NIPBL: variants seen among roughly 807,000 people sequenced by gnomAD.
The protein encoded by NIPBL is NIPBL cohesin loading factor.
Under a neutral mutation model 321.8 loss-of-function variants are expected in NIPBL, and 19 were observed. The observed-to-expected ratio is 0.06, with a 90% CI of 0.04 to 0.09. NIPBL has a LOEUF of 0.09. Among genes scored for constraint, NIPBL ranks in the 10% least tolerant of loss-of-function variants. The pLI, the probability that NIPBL is intolerant of heterozygous loss-of-function variation, is 1.00. For missense variants in NIPBL, 2,210 were observed against 3,327.0 expected (o/e 0.66, Z 8.26); for synonymous variants, 1,106 against 1,114.1 (o/e 0.99, Z 0.14).
chr5:36,962,432 A>G (rs1741729235), intron 6 of NIPBL, among the ~76,000 whole-genome samples, 158 bp downstream of exon 6: 1 of 152,236 alleles, frequency 6.6e-6, no homozygotes, highest in Admixed American at 6.5e-5. Context: ...CATTAAAACA[A>G]TGTTACACTT....
intron 1 of NIPBL, among the ~76,000 whole-genome samples, chr5:36,940,339 CAAAAT>C (rs1334232417): frequency 2.0e-5 from 3 of 152,108 alleles, no homozygotes; most frequent in Admixed American, 6.6e-5. Flanking sequence ...TAGCATGAGT[CAAAAT>C]AAATCAAATT....
chr5:36,970,743 T>G (rs1162046669), intron 6 of NIPBL, 133 bp from the exon 7 acceptor site: 2 of 748,810 alleles, frequency 2.7e-6, no homozygotes, highest in East Asian at 5.4e-5. Context: ...TTGATGAAAC[T>G]AGTCAGTACA....
In NIPBL at chr5:37,007,480, AT is replaced by A. The variant is rs1456628212; in HGVS notation, c.4239+12del. On this transcript the variant is annotated splice_region_variant and intron_variant, in intron 18 of 46. Transcript: ENST00000282516. Reference sequence around the variant, plus strand: ...CAGACACAACAATTCTTCAGGTAAGATTTTTTGGTAAGCATTTTGTATATTT... The same window carrying A: ...CAGACACAACAATTCTTCAGGTAAGATTTTTGGTAAGCATTTTGTATATTT... 3 of 1,602,624 alleles carry A rather than the reference AT, an allele frequency of 1.9e-6. No homozygotes were observed. The highest frequency in any genetic ancestry group is 1.7e-5 in the Admixed American group (1 of 59,650).
chr5:37,018,301 A>G (rs1749219219), intron 24 of NIPBL, among the ~76,000 whole-genome samples: 1 of 152,216 alleles, frequency 6.6e-6, no homozygotes, highest in African/African-American at 2.4e-5. Context: ...TATCATTAAT[A>G]CAATATTAAC....
At chr5:36,921,967 A>G (rs1417140675) in intron 1 of NIPBL, among the ~76,000 whole-genome samples, 3 of 151,420 alleles carry the variant, frequency 2.0e-5, no homozygotes, top group Non-Finnish European at 2.9e-5. Flanking sequence ...GCTCACTGCA[A>G]CCTCTGCCTC....
rs1749361934 is a variant in NIPBL, at chr5:37,019,332, A to G, written c.4942A>G (p.Ile1648Val). 1 of 1,612,426 alleles carries G rather than the reference A, an allele frequency of 6.2e-7. No individual in the cohort carries two copies. Among genetic ancestry groups the G allele is most frequent in the Non-Finnish European group, 8.5e-7 (1 of 1,178,698 alleles). Residue 1648 changes from isoleucine to valine, a missense_variant, in exon 25 of 47, where the codon ATC (isoleucine) becomes GTC (valine). Around this residue, in one of 14 missense-constraint regions of NIPBL, gnomAD observed 138 missense variants for 175.8 expected, o/e 0.79. Transcript: ENST00000282516. The stretch of plus-strand genomic sequence containing the variant: ...ATAGGTTTCAGGAGGGGAAGATGAA[A>G]TCCAACAATTACAAAAAGCATTGCT... ...LKQVSGGEDE[I>V]QQLQKALLDY...
At chr5:37,036,755 A>G (rs1579525136) in intron 33 of NIPBL, among the ~76,000 whole-genome samples, 2 of 151,750 alleles carry the variant, frequency 1.3e-5, no homozygotes, top group East Asian at 3.9e-4. Flanking sequence ...ATAATTTTAG[A>G]TGTCATATTG....
At chr5:36,987,916 A>C (rs1057303670) in intron 10 of NIPBL, among the ~76,000 whole-genome samples, 1 of 152,128 alleles carries the variant, frequency 6.6e-6, no homozygotes, top group Non-Finnish European at 1.5e-5. Flanking sequence ...TTTCTTTAAA[A>C]TTTTTTAGTG....
chr5:36,965,563 A>G (rs778625667), intron 6 of NIPBL, among the ~76,000 whole-genome samples: 1 of 152,098 alleles, frequency 6.6e-6, no homozygotes, highest in African/African-American at 2.4e-5. Context: ...GGGGACAAAT[A>G]TACTGTCTGA....
intron 1 of NIPBL, among the ~76,000 whole-genome samples, chr5:36,942,639 G>A (rs1221912941): frequency 6.7e-6 from 1 of 149,968 alleles, no homozygotes; most frequent in African/African-American, 2.5e-5. Flanking sequence ...TACTTGGGGG[G>A]CTGAGGCACG....
At position 37,036,404 on chromosome 5, in the gene NIPBL, C is replaced by T. The variant is rs1238005231; in HGVS notation, c.5888C>T (p.Ser1963Leu). 7.2e-7 allele frequency: 1 copy of T among 1,397,074 alleles called. No homozygotes were observed. The highest frequency in any genetic ancestry group is 9.4e-7 in the Non-Finnish European group (1 of 1,059,110). The allele number at this position is 1,397,074 out of a possible 1,614,324, so 86.5% of individuals were successfully genotyped here. The change falls in exon 33 of 47, where the codon TCA becomes TTA. Residue 1963 changes from serine to leucine, a missense_variant. Around this residue, in one of 14 missense-constraint regions of NIPBL, gnomAD observed 69 missense variants for 100.8 expected, o/e 0.68. Coordinates refer to ENST00000282516, the MANE Select transcript of NIPBL (RefSeq NM_133433.4). The part of the protein sequence containing the change: ...QNLLKSEEDS[S>L]YKPVKKACTQ... ...TTGTTGAAGTCCGAAGAGGATTCCTCATATAAACCTGTGAAGAAAGCTTGT... is the reference window on the plus strand; with the variant it reads ...TTGTTGAAGTCCGAAGAGGATTCCTTATATAAACCTGTGAAGAAAGCTTGT...
chr5:36,976,079 C>T lies in NIPBL; in HGVS notation c.1172C>T (p.Pro391Leu), dbSNP rs1326545778. 4 of 1,613,832 alleles carry T rather than the reference C, an allele frequency of 2.5e-6. No homozygotes were observed. Among genetic ancestry groups the T allele is most frequent in the Non-Finnish European group, 3.4e-6 (4 of 1,179,930 alleles). The change falls in exon 9 of 47, where the codon CCT (proline) becomes CTT (leucine). Residue 391 changes from proline to leucine, a missense_variant. Pro to Leu is a moderately conservative substitution (Grantham distance 98). Transcript: ENST00000282516. ...AGCAATGTTTCAGAAAATGATATTCCTTTTAATGTGCAGTACCCAGGACAG... is the reference window on the plus strand; with the variant it reads ...AGCAATGTTTCAGAAAATGATATTCTTTTTAATGTGCAGTACCCAGGACAG... ...ENSNVSENDI[P>L]FNVQYPGQTS...
chr5:37,064,328 A>G (rs1755154021), intron 46 of NIPBL, 199 bp from the exon 47 acceptor site: 1 of 1,434,964 alleles, frequency 7.0e-7, no homozygotes, highest in Non-Finnish European at 9.1e-7. Flanking sequence ...ACGGGTACAA[A>G]TTAAGAGTTA....
rs201610164 is a variant in NIPBL at position 37,027,428 on chromosome 5, A to G, written c.5862+16A>G. On this transcript the variant is annotated intron_variant, in intron 32 of 46. Transcript: ENST00000282516. ...GCTTCAAAACGTGAGTGTTCTTTTG[A>G]CTCCTGATAACCTAAAATTTAATAG... 1.3e-6 allele frequency: 2 copies of G among 1,596,452 alleles called. No homozygotes were observed. The highest frequency in any genetic ancestry group is 2.7e-5 in the African/African-American group (2 of 73,168).
intron 1 of NIPBL, among the ~76,000 whole-genome samples, chr5:36,925,607 A>G (rs906904078): frequency 6.6e-6 from 1 of 152,144 alleles, no homozygotes; most frequent in African/African-American, 2.4e-5. Flanking sequence ...AGGCACTATT[A>G]TCCTCACTTT....
At chr5:36,973,525 T>G (rs1743112060) in intron 8 of NIPBL, among the ~76,000 whole-genome samples, 2 of 152,054 alleles carry the variant, frequency 1.3e-5, no homozygotes, top group African/African-American at 4.8e-5. Context: ...TGGAGTGCAG[T>G]GGCATGATCT....
intron 1 of NIPBL, among the ~76,000 whole-genome samples, chr5:36,880,545 A>G (rs1278908725): frequency 1.3e-5 from 2 of 152,046 alleles, no homozygotes; most frequent in African/African-American, 4.8e-5. Flanking sequence ...TGTTTATCAC[A>G]TTTACTTGCC....
intron 46 of NIPBL, 63 bp downstream of exon 46, chr5:37,064,041 TATATATGTC>T (rs1187343178): frequency 6.3e-7 from 1 of 1,581,848 alleles, no homozygotes; most frequent in Non-Finnish European, 8.6e-7. Flanking sequence ...TTTATGTGCT[TATATATGTC>T]AGTCTATTAA....
At position 37,057,406 on chromosome 5, in the gene NIPBL, C is replaced by G. The variant is rs1754211621; in HGVS notation, c.7410+74C>G. On this transcript the variant is annotated intron_variant, in intron 43 of 46. Transcript: ENST00000282516. Reference sequence around the variant, plus strand: ...ATGCTGTTTTCACTGTTTTGTTTCTCATTATTCTTTTTATCCTCTTCACGA... The same window carrying G: ...ATGCTGTTTTCACTGTTTTGTTTCTGATTATTCTTTTTATCCTCTTCACGA... 3.1e-5 allele frequency: 44 copies of G among 1,410,416 alleles called. 1 individual carries two copies. The South Asian group carries it at 4.8e-4, about 15-fold the overall frequency. The allele number at this position is 1,410,416 out of a possible 1,614,324, so 87.4% of individuals were successfully genotyped here.
Sources: gnomAD v4.1 joint callset for allele counts (sites outside exome capture counted in the v4.1 genomes callset) on GRCh38, gnomAD v4.1.1 for gene constraint, gnomAD v4.1.1 regional missense constraint, MANE v1.5 for transcripts, NCBI Gene and HGNC (gene_info 2026-07-23, HGNC 2026-07-21) for gene names.